Variants in GRM8 observed in about 807,000 individuals in gnomAD.
The protein encoded by GRM8 is glutamate metabotropic receptor 8.
Under a neutral mutation model 87.2 loss-of-function variants are expected in GRM8, and 47 were observed. The observed-to-expected ratio is 0.54, with a 90% CI of 0.43 to 0.69. The LOEUF is 0.69. Among genes scored for constraint, GRM8 ranks in the 30% least tolerant of loss-of-function variants. The pLI is 0.00. For synonymous variants in GRM8, 396 were observed against 404.5 expected (o/e 0.98, Z 0.25); for missense variants, 1,019 against 1,139.2 (o/e 0.89, Z 1.52).
intron 7 of GRM8, among the ~76,000 whole-genome samples, chr7:126,703,371 T>C (rs1413652785): frequency 6.6e-6 from 1 of 152,192 alleles, no homozygotes; most frequent in Non-Finnish European, 1.5e-5. Flanking sequence ...TTTTTGGGTA[T>C]CTTTGGTTGC....
intron 6 of GRM8, among the ~76,000 whole-genome samples, chr7:126,799,343 A>AAATAACATTT (rs1822374951): frequency 1.3e-5 from 2 of 152,120 alleles, no homozygotes; most frequent in African/African-American, 4.8e-5. Flanking sequence ...TTCAACAAAC[A>AAATAACATTT]TCCCACGTGA....
At chr7:127,075,582 C>A (rs1474284457) in intron 3 of GRM8, among the ~76,000 whole-genome samples, 1 of 152,100 alleles carries the variant, frequency 6.6e-6, no homozygotes, top group East Asian at 1.9e-4. Flanking sequence ...GTCTTATTAT[C>A]CATGATATAA....
intron 10 of GRM8, 88 bp from the exon 11 acceptor site, chr7:126,439,256 A>G: frequency 1.3e-6 from 1 of 793,752 alleles, no homozygotes; most frequent in Non-Finnish European, 2.2e-6. Flanking sequence ...TCCTGTAATG[A>G]CTTTTTAATA....
In GRM8 at chr7:127,036,705, G is replaced by A. The variant is rs897685219; in HGVS notation, c.727+69791C>T. 2.0e-5 allele frequency among the ~76,000 whole-genome samples: 3 copies of A among 152,242 alleles called. No individual in the cohort carries two copies. The South Asian group carries it at 6.2e-4, about 32-fold the overall frequency. ...GGGTCCATGGCTAGGAGATTGTAAG[G>A]ACACTGCTTGTTACGCCGCACAGAG... On this transcript the variant is annotated intron_variant, in intron 3 of 10. Transcript: ENST00000339582.
chr7:126,595,596 C>T (rs1462079806), intron 8 of GRM8, among the ~76,000 whole-genome samples: 1 of 151,614 alleles, frequency 6.6e-6, no homozygotes, highest in Non-Finnish European at 1.5e-5. Flanking sequence ...AAGGGTATGT[C>T]ACAGGGGTTT....
At chr7:126,461,462 A>C (rs1563030896) in intron 9 of GRM8, among the ~76,000 whole-genome samples, 1 of 151,592 alleles carries the variant, frequency 6.6e-6, no homozygotes, top group East Asian at 1.9e-4. Context: ...TCCACCCCAG[A>C]CTTTCAAGTC....
At chr7:126,900,928 A>T (rs1298285952) in intron 6 of GRM8, among the ~76,000 whole-genome samples, 3 of 152,066 alleles carry the variant, frequency 2.0e-5, no homozygotes, top group African/African-American at 4.8e-5. Context: ...TGCCAGGCAA[A>T]TCTTCTTGAA....
chr7:126,596,639 C>A lies in GRM8; in HGVS notation c.1494+12723G>T, dbSNP rs571327733. Among the ~76,000 whole-genome samples, 4 of 152,202 alleles carry A rather than the reference C, an allele frequency of 2.6e-5. No homozygotes were observed. The East Asian group carries it at 5.8e-4, about 22-fold the overall frequency. On this transcript the variant is annotated intron_variant, in intron 8 of 10. Transcript: ENST00000339582. Reference sequence around the variant, plus strand: ...ACAACATAAGGAATCCTTGCGATAACAGAAATGTTCTGTATGTTTACTGTG... The same window carrying A: ...ACAACATAAGGAATCCTTGCGATAAAAGAAATGTTCTGTATGTTTACTGTG...
At chr7:127,200,905 T>C (rs1292093695) in intron 2 of GRM8, among the ~76,000 whole-genome samples, 1 of 152,196 alleles carries the variant, frequency 6.6e-6, no homozygotes, top group African/African-American at 2.4e-5. Context: ...CCTGTACATA[T>C]GGAGTGCAAA....
At chr7:126,464,538 GTCTTC>G (rs1249175362) in intron 9 of GRM8, among the ~76,000 whole-genome samples, 4 of 151,402 alleles carry the variant, frequency 2.6e-5, no homozygotes, top group Admixed American at 2.0e-4. Flanking sequence ...TTGTTTTGTG[GTCTTC>G]TCTTCCTTCC....
At chr7:126,616,259 C>T (rs1204210659) in intron 7 of GRM8, among the ~76,000 whole-genome samples, 2 of 152,160 alleles carry the variant, frequency 1.3e-5, no homozygotes, top group Non-Finnish European at 2.9e-5. Context: ...ACTGAACAAC[C>T]TGCTCCTGAA....
intron 3 of GRM8, among the ~76,000 whole-genome samples, chr7:127,047,008 G>A (rs914309762): frequency 1.3e-5 from 2 of 152,176 alleles, no homozygotes; most frequent in South Asian, 2.1e-4. Flanking sequence ...AGGTCTTGAC[G>A]AAGGCATTTG....
At chr7:127,217,025 A>G (rs1399940627) in intron 2 of GRM8, among the ~76,000 whole-genome samples, 1 of 152,178 alleles carries the variant, frequency 6.6e-6, no homozygotes, top group African/African-American at 2.4e-5. Flanking sequence ...AGTTATTTGT[A>G]TATTTTCTCA....
intron 3 of GRM8, among the ~76,000 whole-genome samples, chr7:127,103,686 C>A (rs983631151): frequency 2.0e-5 from 3 of 152,176 alleles, no homozygotes; most frequent in African/African-American, 7.2e-5. Context: ...AATTTTGTCT[C>A]CCATAATTCA....
intron 7 of GRM8, among the ~76,000 whole-genome samples, chr7:126,712,811 A>G (rs1811249405): frequency 6.6e-6 from 1 of 152,232 alleles, no homozygotes; most frequent in African/African-American, 2.4e-5. Flanking sequence ...TCAAAAGAAG[A>G]CATTTATGCG....
intron 3 of GRM8, among the ~76,000 whole-genome samples, chr7:127,075,647 C>T (rs531437783): frequency 1.1e-4 from 17 of 152,148 alleles, no homozygotes; most frequent in Middle Eastern, 3.4e-3. Flanking sequence ...TAGTGGCCTA[C>T]GAAGCCAGCC....
intron 2 of GRM8, among the ~76,000 whole-genome samples, chr7:127,195,460 T>A (rs1795232411): frequency 6.6e-6 from 1 of 152,188 alleles, no homozygotes; most frequent in African/African-American, 2.4e-5. Flanking sequence ...ACAAAACTAG[T>A]TAAGCCGCAT....
At chr7:126,749,208 G>A (rs1165669943) in intron 7 of GRM8, among the ~76,000 whole-genome samples, 1 of 151,922 alleles carries the variant, frequency 6.6e-6, no homozygotes, top group Non-Finnish European at 1.5e-5. Flanking sequence ...AACCGGGAGG[G>A]AGAGGTTGCA....
At chr7:126,672,269 G>A (rs923391471) in intron 7 of GRM8, among the ~76,000 whole-genome samples, 1 of 152,176 alleles carries the variant, frequency 6.6e-6, no homozygotes, top group African/African-American at 2.4e-5. Flanking sequence ...CATCTGCCGA[G>A]GTCACTGGAC....
Sources: gnomAD v4.1 joint callset for allele counts (sites outside exome capture counted in the v4.1 genomes callset) on GRCh38, gnomAD v4.1.1 for gene constraint, MANE v1.5 for transcripts, NCBI Gene and HGNC (gene_info 2026-07-23, HGNC 2026-07-21) for gene names.